Variants in CREB5 observed in about 807,000 individuals in gnomAD.
CREB5 encodes the protein cAMP responsive element binding protein 5.
CREB5 carries 19 observed loss-of-function variants against 57.1 expected under a neutral mutation model. The observed-to-expected ratio is 0.33, with a 90% CI of 0.23 to 0.49. The LOEUF (loss-of-function observed/expected upper bound fraction) is 0.49, where lower values mean the gene tolerates loss of function less well. Ranked by LOEUF, CREB5 falls within the 20% of genes least tolerant of loss-of-function variation. CREB5 has a pLI of 0.99. For missense variants in CREB5, 579 were observed against 671.6 expected, an observed-to-expected ratio of 0.86 and a Z score of 1.52; for synonymous variants, 238 against 238.3, an observed-to-expected ratio of 1.00 and a Z score of 0.01.
At chr7:28,302,174 T>G (rs1004004949) in intron 1 of CREB5, among the ~76,000 whole-genome samples, 2 of 152,228 alleles carry the variant, frequency 1.3e-5, no homozygotes, top group Admixed American at 6.5e-5. Flanking sequence ...ATATATCACA[T>G]TAAAATATTA....
At chr7:28,650,502 T>G (rs1799084014) in intron 5 of CREB5, among the ~76,000 whole-genome samples, 1 of 152,134 alleles carries the variant, frequency 6.6e-6, no homozygotes, top group African/African-American at 2.4e-5. Flanking sequence ...TCATGCCATT[T>G]CAATCACACA....
intron 1 of CREB5, among the ~76,000 whole-genome samples, chr7:28,444,490 G>A (rs890966088): frequency 2.6e-5 from 4 of 152,140 alleles, no homozygotes; most frequent in East Asian, 3.8e-4. Context: ...TTGAACTGTC[G>A]TGGGGAAACA....
In CREB5 at chr7:28,531,576, G is replaced by A. The variant is rs942248672; in HGVS notation, c.291+23839G>A. Among the ~76,000 whole-genome samples the A allele has an allele frequency of 2.6e-5, 4 of 152,144 alleles. No homozygotes were observed. In the East Asian group the frequency reaches 7.7e-4, roughly 29 times the overall value. On this transcript the variant is annotated intron_variant, in intron 4 of 10. Coordinates refer to ENST00000357727, the MANE Select transcript of CREB5 (RefSeq NM_182898.4). ...TGTGATGACCCTGTTGCCAAACAAGGTCACATTCTGAGGTCCTGGGGATTA... is the reference window on the plus strand; with the variant it reads ...TGTGATGACCCTGTTGCCAAACAAGATCACATTCTGAGGTCCTGGGGATTA...
intron 1 of CREB5, among the ~76,000 whole-genome samples, chr7:28,445,410 G>T (rs1206759124): frequency 6.6e-6 from 1 of 152,120 alleles, no homozygotes; most frequent in Non-Finnish European, 1.5e-5. Context: ...TTCTACAGTA[G>T]GCTGCAGAAA....
At chr7:28,730,313 G>C (rs1803545626) in intron 7 of CREB5, among the ~76,000 whole-genome samples, 1 of 152,032 alleles carries the variant, frequency 6.6e-6, no homozygotes, top group East Asian at 1.9e-4. Context: ...AGGTGGTGCA[G>C]CTAGTAACTA....
chr7:28,325,380 G>A (rs904519549), intron 1 of CREB5, among the ~76,000 whole-genome samples: 1 of 151,864 alleles, frequency 6.6e-6, no homozygotes, highest in African/African-American at 2.4e-5. Flanking sequence ...GCGTGAACCC[G>A]GGAGGCAGAG....
At chr7:28,582,043 T>C (rs111834493) in intron 5 of CREB5, among the ~76,000 whole-genome samples, 3,236 of 152,336 alleles carry the variant, frequency 0.021, 131 homozygotes, top group African/African-American at 0.073. Flanking sequence ...AGTTGCACTG[T>C]AGTGATTTCC....
chr7:28,375,475 T>C (rs1562681324), intron 1 of CREB5, among the ~76,000 whole-genome samples: 1 of 152,186 alleles, frequency 6.6e-6, no homozygotes, highest in African/African-American at 2.4e-5. Context: ...TCAATAATAA[T>C]TTAATTGTAC....
intron 1 of CREB5, among the ~76,000 whole-genome samples, chr7:28,363,675 GC>G (rs2127992572): frequency 6.6e-6 from 1 of 152,138 alleles, no homozygotes; most frequent in South Asian, 2.1e-4. Flanking sequence ...ACAGTACAGT[GC>G]CCCACATAGA....
intron 1 of CREB5, among the ~76,000 whole-genome samples, chr7:28,474,128 C>T (rs1790953571): frequency 1.3e-5 from 2 of 152,140 alleles, no homozygotes; most frequent in African/African-American, 2.4e-5. Context: ...GAATGAGGCT[C>T]TGTGGAGAGG....
At chr7:28,329,298 G>T (rs1040001257) in intron 1 of CREB5, among the ~76,000 whole-genome samples, 5 of 152,160 alleles carry the variant, frequency 3.3e-5, no homozygotes, top group African/African-American at 1.2e-4. Context: ...CTACAGAAGT[G>T]GTTCTGGTTT....
intron 1 of CREB5, among the ~76,000 whole-genome samples, chr7:28,314,036 G>C (rs13236771): frequency 0.095 from 14,518 of 152,216 alleles, 832 homozygotes; most frequent in South Asian, 0.15. Context: ...AAAAGAATAA[G>C]AGAATTATTA....
chr7:28,434,365 A>T (rs1294065374), intron 1 of CREB5, among the ~76,000 whole-genome samples: 1 of 152,228 alleles, frequency 6.6e-6, no homozygotes, highest in Non-Finnish European at 1.5e-5. Context: ...TTTTAATCGA[A>T]TGCCAAAATT....
chr7:28,446,181 G>T (rs1583471610), intron 1 of CREB5, among the ~76,000 whole-genome samples: 2 of 152,006 alleles, frequency 1.3e-5, no homozygotes, highest in South Asian at 4.2e-4. Flanking sequence ...GTTTTTGGTT[G>T]GTCTGTTTGT....
chr7:28,743,677 G>C (rs1226879603), intron 7 of CREB5, among the ~76,000 whole-genome samples: 14 of 152,010 alleles, frequency 9.2e-5, no homozygotes, highest in Admixed American at 2.6e-4. Flanking sequence ...TCTGGAGGGT[G>C]GAAGTCCAAG....
intron 1 of CREB5, among the ~76,000 whole-genome samples, chr7:28,320,189 G>A (rs963570444): frequency 3.9e-5 from 6 of 152,050 alleles, no homozygotes; most frequent in East Asian, 3.9e-4. Context: ...CCTCGGCCTC[G>A]GATATGCTGG....
At chr7:28,611,752 G>C (rs1339207045) in intron 5 of CREB5, among the ~76,000 whole-genome samples, 3 of 151,458 alleles carry the variant, frequency 2.0e-5, no homozygotes, top group Non-Finnish European at 4.4e-5. Context: ...GGGTGAAGAA[G>C]GGGTTAACTA....
At chr7:28,712,529 T>TATG (rs973918636) in intron 5 of CREB5, among the ~76,000 whole-genome samples, 9 of 148,486 alleles carry the variant, frequency 6.1e-5, no homozygotes, top group Non-Finnish European at 1.2e-4. Context: ...GAGAATTTAT[T>TATG]ATTATTATTA....
chr7:28,713,986 A>G (rs1213572837), intron 5 of CREB5, among the ~76,000 whole-genome samples: 1 of 151,982 alleles, frequency 6.6e-6, no homozygotes, highest in Non-Finnish European at 1.5e-5. Context: ...TTTTGGAGAT[A>G]AGAGTCTCAC....
Sources: allele counts gnomAD v4.1 joint callset (sites outside exome capture counted in the v4.1 genomes callset), GRCh38; gene constraint gnomAD v4.1.1; transcripts MANE v1.5; gene names NCBI Gene and HGNC (gene_info 2026-07-23, HGNC 2026-07-21).